NRG1: variants seen among roughly 807,000 people sequenced by gnomAD.
NRG1 encodes neuregulin 1, also known as pro-neuregulin-1, membrane-bound isoform.
A neutral mutation model predicts 63.8 loss-of-function variants in NRG1; 18 were observed. The ratio of observed to expected loss-of-function variants is 0.28; its 90% confidence interval spans 0.19 to 0.42. The LOEUF (loss-of-function observed/expected upper bound fraction) is 0.42. NRG1 is among the 10% of genes least tolerant of loss of function. The pLI, the probability that NRG1 is intolerant of heterozygous loss-of-function variation, is 1.00. For missense variants in NRG1, 762 were observed against 814.7 expected (o/e 0.94, Z 0.79); for synonymous variants, 302 against 301.3 (o/e 1.00, Z -0.02).
chr8:32,159,110 A>C (rs1005766002), intron 1 of NRG1, among the ~76,000 whole-genome samples: 1 of 152,236 alleles, frequency 6.6e-6, no homozygotes, highest in African/African-American at 2.4e-5. Context: ...AAGAGTAAAA[A>C]TCACAATGGA....
chr8:31,790,491 A>C (rs1423969328), intron 1 of NRG1, among the ~76,000 whole-genome samples: 2 of 152,306 alleles, frequency 1.3e-5, no homozygotes, highest in East Asian at 3.9e-4. Flanking sequence ...AATTTTAGGC[A>C]AATTGGTTAA....
intron 1 of NRG1, among the ~76,000 whole-genome samples, chr8:32,110,532 T>C (rs1237519989): frequency 1.3e-5 from 2 of 152,230 alleles, no homozygotes; most frequent in African/African-American, 2.4e-5. Context: ...TGCTGGTGAA[T>C]GTAAGGTGAG....
rs538778557 is a variant in NRG1 at position 32,292,184 on chromosome 8, T to C, written c.38-303644T>C. 6.6e-4 allele frequency among the ~76,000 whole-genome samples: 100 copies of C among 152,332 alleles called. 1 individual carries two copies. Among genetic ancestry groups the C allele is most frequent in the Non-Finnish European group, 2.9e-5 (2 of 68,034 alleles). On this transcript the variant is annotated intron_variant, in intron 1 of 10. Transcript: ENST00000519301. The stretch of plus-strand genomic sequence containing the variant: ...TTTATACTATGATCTTAAAACTATT[T>C]ATTTTAATAATATCTATATAACCCA...
chr8:32,687,798 C>T (rs1229850387), intron 5 of NRG1, among the ~76,000 whole-genome samples: 4 of 152,188 alleles, frequency 2.6e-5, no homozygotes, highest in South Asian at 2.1e-4. Context: ...TCTTTATCCA[C>T]GTGCTGAACA....
At chr8:31,854,234 T>A (rs933001654) in intron 1 of NRG1, among the ~76,000 whole-genome samples, 103 of 151,798 alleles carry the variant, frequency 6.8e-4, no homozygotes, top group Non-Finnish European at 1.2e-3. Flanking sequence ...TGTGAATCCA[T>A]CTGGTCCTGG....
chr8:31,744,740 T>A (rs1815678011), intron 1 of NRG1, among the ~76,000 whole-genome samples: 1 of 152,022 alleles, frequency 6.6e-6, no homozygotes, highest in African/African-American at 2.4e-5. Context: ...TGTCCTTACT[T>A]TGCACAGATG....
At chr8:32,105,198 A>G (rs1249232973) in intron 1 of NRG1, among the ~76,000 whole-genome samples, 3 of 152,178 alleles carry the variant, frequency 2.0e-5, no homozygotes, top group Non-Finnish European at 4.4e-5. Context: ...TCCACATCAT[A>G]TAGGCAATCC....
chr8:32,009,640 AAAATC>A (rs1181809145), intron 1 of NRG1, among the ~76,000 whole-genome samples: 1 of 152,068 alleles, frequency 6.6e-6, no homozygotes, highest in Non-Finnish European at 1.5e-5. Context: ...ACCTTTGAGC[AAAATC>A]GTGAAGGTGA....
Position 31,706,750 on chromosome 8 carries a change from A to G in NRG1, c.37+67319A>G, listed in dbSNP as rs898189090. Among the ~76,000 whole-genome samples the G allele has an allele frequency of 9.2e-5, 14 of 152,220 alleles. 1 individual carries two copies. Among genetic ancestry groups the G allele is most frequent in the Admixed American group, 2.6e-4 (4 of 15,286 alleles). On this transcript the variant is annotated intron_variant, in intron 1 of 10. Transcript: ENST00000519301. Reference sequence around the variant, plus strand: ...ATTTTGCCAATGTGATAAATACAAAATAATACATTAGCAAATTTTTAACCT... The same window carrying G: ...ATTTTGCCAATGTGATAAATACAAAGTAATACATTAGCAAATTTTTAACCT...
intron 1 of NRG1, among the ~76,000 whole-genome samples, chr8:32,037,462 G>T (rs908253115): frequency 6.6e-6 from 1 of 152,194 alleles, no homozygotes; most frequent in Non-Finnish European, 1.5e-5. Context: ...CGGAGAGGGT[G>T]TCCTGCACTC....
At chr8:32,230,012 C>T (rs1002069014) in intron 1 of NRG1, among the ~76,000 whole-genome samples, 8 of 152,040 alleles carry the variant, frequency 5.3e-5, no homozygotes, top group Non-Finnish European at 1.2e-4. Flanking sequence ...GCCAAACACG[C>T]GCCTAAAAGT....
At chr8:32,171,062 C>A (rs967496556) in intron 1 of NRG1, among the ~76,000 whole-genome samples, 1 of 151,960 alleles carries the variant, frequency 6.6e-6, no homozygotes, top group Non-Finnish European at 1.5e-5. Context: ...TCCTGTGTGT[C>A]TAGCTTGTTG....
At chr8:32,157,885 T>C (rs77606726) in intron 1 of NRG1, among the ~76,000 whole-genome samples, 5,001 of 152,024 alleles carry the variant, frequency 0.033, 285 homozygotes, top group African/African-American at 0.11. Context: ...GTAATTACAA[T>C]TGGGACAGGA....
At chr8:32,635,479 T>G (rs2129544863) in intron 5 of NRG1, among the ~76,000 whole-genome samples, 1 of 152,358 alleles carries the variant, frequency 6.6e-6, no homozygotes, top group Admixed American at 6.5e-5. Flanking sequence ...TCCTGATCAG[T>G]TGGCTGAATT....
chr8:31,885,248 T>C (rs972023377), intron 1 of NRG1, among the ~76,000 whole-genome samples: 1 of 152,112 alleles, frequency 6.6e-6, no homozygotes, highest in African/African-American at 2.4e-5. Context: ...TATTTTTGGA[T>C]GTATCAGAAG....
At chr8:32,433,394 A>T (rs1458537016) in intron 1 of NRG1, among the ~76,000 whole-genome samples, 1 of 152,174 alleles carries the variant, frequency 6.6e-6, no homozygotes, top group East Asian at 1.9e-4. Context: ...CCAGTAGCAG[A>T]TCTGTGGAAA....
exon 1 of NRG1, chr8:32,548,675 A>T: frequency 6.5e-7 from 1 of 1,542,252 alleles, no homozygotes; most frequent in Non-Finnish European, 8.7e-7. Context: ...CCCTTGGACC[A>T]AACTCGCCTG....
intron 1 of NRG1, among the ~76,000 whole-genome samples, chr8:32,583,884 G>A (rs1841149317): frequency 6.6e-6 from 1 of 152,202 alleles, no homozygotes; most frequent in Non-Finnish European, 1.5e-5. Flanking sequence ...ATGTTGACAT[G>A]CTAAGTGAGC....
At chr8:31,845,112 A>AATAT (rs1826562456) in intron 1 of NRG1, among the ~76,000 whole-genome samples, 2 of 150,672 alleles carry the variant, frequency 1.3e-5, no homozygotes, top group South Asian at 4.2e-4. Context: ...GTCTCAAATA[A>AATAT]ATAAATAAAT....
Sources: gnomAD v4.1 joint callset for allele counts (sites outside exome capture counted in the v4.1 genomes callset) on GRCh38, gnomAD v4.1.1 for gene constraint, MANE v1.5 for transcripts, NCBI Gene and HGNC (gene_info 2026-07-23, HGNC 2026-07-21) for gene names.